CST2: variants seen among roughly 807,000 people sequenced by gnomAD.
CST2 encodes cystatin SA, also known as cystatin-SA.
A neutral mutation model predicts 13.4 loss-of-function variants in CST2; 26 were observed. That is an observed-to-expected ratio of 1.95 (90% CI 1.43 to 2.70). CST2 has a LOEUF of 2.70. Ranked by LOEUF, CST2 falls within the 30% of genes most tolerant of loss-of-function variation. The pLI, the probability that CST2 is intolerant of heterozygous loss-of-function variation, is 0.00. For missense variants in CST2, 243 were observed against 173.4 expected, an observed-to-expected ratio of 1.40 and a Z score of -2.25; for synonymous variants, 105 against 71.1, an observed-to-expected ratio of 1.48 and a Z score of -2.40.
Position 23,824,035 on chromosome 20 carries a change from C to A in CST2, c.411G>T (p.Arg137Ser). The change falls in exon 3 of 3, where the codon AGG becomes AGT. Residue 137 changes from arginine (R) to serine (S), a missense_variant. Transcript: ENST00000304725. Reference protein sequence around the residue: ...WEDRMSLVNSRCQEA With the variant: ...WEDRMSLVNSSCQEA Reference sequence around the variant, plus strand: ...GCACAGATCCCTAGGCTTCTTGACACCTGGAATTCACCAGGGACATTCTGT... The same window carrying A: ...GCACAGATCCCTAGGCTTCTTGACAACTGGAATTCACCAGGGACATTCTGT... 6.2e-7 allele frequency: 1 copy of A among 1,614,068 alleles called. No individual in the cohort carries two copies. Among genetic ancestry groups the A allele is most frequent in the South Asian group, 1.1e-5 (1 of 91,082 alleles).
Position 23,823,911 on chromosome 20 carries a change from C to T in CST2, c.*109G>A. The T allele has an allele frequency of 3.5e-6, 4 of 1,141,992 alleles. No individual in the cohort carries two copies. The highest frequency in any genetic ancestry group is 1.4e-5 in the South Asian group (1 of 72,648). 70.7% of individuals were successfully genotyped at this position (1,141,992 alleles called of 1,614,324 possible). A position where few individuals can be genotyped will look rare whatever the true frequency, so the allele number is the denominator to read the frequency against. ...CAGCCTTCTCTGTCTTCTCCTGCTG[C>T]AGGTGCATGGGGAGACCTCCCACAG... On this transcript the variant is annotated 3_prime_UTR_variant, in exon 3 of 3. Coordinates refer to ENST00000304725, the MANE Select transcript of CST2 (RefSeq NM_001322.3).
chr20:23,823,839 G>A lies in CST2; in HGVS notation c.*181C>T. The A allele has an allele frequency of 1.6e-6, 1 of 624,074 alleles. No individual in the cohort carries two copies. The allele number at this position is 624,074 out of a possible 1,614,324, so 38.7% of individuals were successfully genotyped here. A position where few individuals can be genotyped will look rare whatever the true frequency, so the allele number is the denominator to read the frequency against. ...TGTACCAGGGCTATGAGAAGCAAAA[G>A]GAAGGAGGGAGGGCAGAGTCCCCTG... On this transcript the variant is annotated 3_prime_UTR_variant, in exon 3 of 3. Coordinates refer to ENST00000304725, the MANE Select transcript of CST2 (RefSeq NM_001322.3).
chr20:23,824,778 C>A (rs1161499535), intron 2 of CST2, among the ~76,000 whole-genome samples: 1 of 152,124 alleles, frequency 6.6e-6, no homozygotes, highest in African/African-American at 2.4e-5. Context: ...ACAGGCAACA[C>A]CCCAAAGCAG....
intron 1 of CST2, 52 bp downstream of exon 1, chr20:23,826,381 G>T: frequency 6.8e-7 from 1 of 1,460,824 alleles, no homozygotes; most frequent in Non-Finnish European, 9.6e-7. Flanking sequence ...TTATGGATCG[G>T]GCAACAAACA....
At position 23,824,015 on chromosome 20, in the gene CST2, G is replaced by C. The variant is rs1239637992; in HGVS notation, c.*5C>G. ...GTGGTCAGTGTGACTCCCTGGCACA[G>C]ATCCCTAGGCTTCTTGACACCTGGA... On this transcript the variant is annotated 3_prime_UTR_variant, in exon 3 of 3. Coordinates refer to ENST00000304725, the MANE Select transcript of CST2 (RefSeq NM_001322.3). 1 of 1,614,026 alleles carries C rather than the reference G, an allele frequency of 6.2e-7. No individual in the cohort carries two copies. Among genetic ancestry groups the C allele is most frequent in the Admixed American group, 1.7e-5 (1 of 60,022 alleles).
rs1312229867 is a variant in CST2 at position 23,825,273 on chromosome 20, T to C, written c.279A>G (p.Ile93Met). Residue 93 changes from isoleucine (I) to methionine (M), a missense_variant, in exon 2 of 3, where the codon ATA becomes ATG. Physicochemically the swap from Ile to Met is conservative, Grantham distance 10. Coordinates refer to ENST00000304725, the MANE Select transcript of CST2 (RefSeq NM_001322.3). The stretch of plus-strand genomic sequence containing the variant: ...CCAAGTTGGGCTGGGACTTGGTACA[T>C]ATGGTTCGGCCCACCTCTATGTCGA... ...YFFDIEVGRTICTKSQPNLDT... is the reference protein window; with the variant it reads ...YFFDIEVGRTMCTKSQPNLDT... 4 of 1,614,006 alleles carry C rather than the reference T, an allele frequency of 2.5e-6. No individual in the cohort carries two copies. The highest frequency in any genetic ancestry group is 2.5e-6 in the Non-Finnish European group (3 of 1,180,004).
chr20:23,825,883 C>T (rs554723675), intron 1 of CST2, among the ~76,000 whole-genome samples: 20 of 152,324 alleles, frequency 1.3e-4, no homozygotes, highest in African/African-American at 3.1e-4. Flanking sequence ...GCAGGTAAAG[C>T]TGGGCCCAAT....
intron 1 of CST2, among the ~76,000 whole-genome samples, chr20:23,825,780 A>C (rs1471740921): frequency 2.0e-5 from 3 of 152,120 alleles, no homozygotes; most frequent in Admixed American, 2.0e-4. Flanking sequence ...CTGCAGGAGG[A>C]GAAATGGGGC....
At position 23,823,801 on chromosome 20, in the gene CST2, G is replaced by T. The variant is rs570805415; in HGVS notation, c.*219C>A. The T allele has an allele frequency of 7.1e-6, 4 of 567,218 alleles. No individual in the cohort carries two copies. Among genetic ancestry groups the T allele is most frequent in the South Asian group, 4.5e-5 (2 of 44,620 alleles). The allele number at this position is 567,218 out of a possible 1,614,324, so 35.1% of individuals were successfully genotyped here. On this transcript the variant is annotated 3_prime_UTR_variant, in exon 3 of 3. Transcript: ENST00000304725. ...CTACTGTTTAATTGCAGGAGGTGGG[G>T]GTGTGTGTACCATGTACCAGGGCTA...
Position 23,823,996 on chromosome 20 carries a change from A to T in CST2, c.*24T>A, listed in dbSNP as rs377520834. On this transcript the variant is annotated 3_prime_UTR_variant, in exon 3 of 3. Transcript: ENST00000304725. ...CAAGGGGTGGGAGTAGGAGGTGGTC[A>T]GTGTGACTCCCTGGCACAGATCCCT... The T allele has an allele frequency of 1.9e-6, 3 of 1,612,600 alleles. No individual in the cohort carries two copies. Among genetic ancestry groups the T allele is most frequent in the Non-Finnish European group, 2.5e-6 (3 of 1,178,714 alleles).
chr20:23,825,873 G>T (rs1984817942), intron 1 of CST2, among the ~76,000 whole-genome samples: 1 of 152,192 alleles, frequency 6.6e-6, no homozygotes, highest in East Asian at 1.9e-4. Context: ...GCCATGGGAT[G>T]CAGGTAAAGC....
chr20:23,824,105 T>C lies in CST2; in HGVS notation c.343-2A>G. On this transcript the variant is annotated splice_acceptor_variant, in intron 2 of 2. Coordinates refer to ENST00000304725, the MANE Select transcript of CST2 (RefSeq NM_001322.3). LOFTEE classifies it high-confidence loss of function. ...GATCTGGAAAGAGCACAACTGTTTCTGTGAAAGGGAAGAGAGAGGGCCAAT... is the reference window on the plus strand; with the variant it reads ...GATCTGGAAAGAGCACAACTGTTTCCGTGAAAGGGAAGAGAGAGGGCCAAT... The C allele has an allele frequency of 6.2e-7, 1 of 1,613,982 alleles. No homozygotes were observed. The highest frequency in any genetic ancestry group is 2.2e-5 in the East Asian group (1 of 44,864).
chr20:23,824,951 C>T (rs1186178738), intron 2 of CST2, among the ~76,000 whole-genome samples: 1 of 152,026 alleles, frequency 6.6e-6, no homozygotes, highest in Admixed American at 6.5e-5. Context: ...CCCCAGAATC[C>T]CCACACACAG....
intron 1 of CST2, among the ~76,000 whole-genome samples, chr20:23,825,737 C>A (rs188016485): frequency 4.6e-5 from 7 of 152,284 alleles, no homozygotes; most frequent in Admixed American, 4.6e-4. Flanking sequence ...AGGGAGTGCA[C>A]CTCCCGTGCA....
Position 23,826,609 on chromosome 20 carries a change from C to T in CST2, c.52G>A (p.Ala18Thr). 3 of 1,613,148 alleles carry T rather than the reference C, an allele frequency of 1.9e-6. No individual in the cohort carries two copies. Among genetic ancestry groups the T allele is most frequent in the Non-Finnish European group, 2.5e-6 (3 of 1,179,822 alleles). ...LLLLLATQAV[A>T]LAWSPQEEDR... is the part of the protein sequence containing the mutation. The stretch of plus-strand genomic sequence containing the variant: ...TCCTCCTGGGGGCTCCAGGCCAGGG[C>T]CACAGCCTGGGTGGCCAGCAGGAGC... The change falls in exon 1 of 3, where the codon GCC becomes ACC. Residue 18 changes from alanine to threonine, a missense_variant. By Grantham distance (58) the Ala-to-Thr change is moderately conservative. Coordinates refer to ENST00000304725, the MANE Select transcript of CST2 (RefSeq NM_001322.3).
In CST2 at chr20:23,824,113, G is replaced by C. The variant is rs375422175; in HGVS notation, c.343-10C>G. The C allele has an allele frequency of 8.9e-5, 143 of 1,613,654 alleles. No homozygotes were observed. The Middle Eastern group carries it at 1.2e-3, about 13-fold the overall frequency. On this transcript the variant is annotated splice_polypyrimidine_tract_variant and intron_variant, in intron 2 of 2. Coordinates refer to ENST00000304725, the MANE Select transcript of CST2 (RefSeq NM_001322.3). ...AAGAGCACAACTGTTTCTGTGAAAG[G>C]GAAGAGAGAGGGCCAATCAGTGTGA...
rs769123929 is a variant in CST2, at chr20:23,825,194, C to A, written c.342+16G>T. The A allele has an allele frequency of 6.2e-7, 1 of 1,612,068 alleles. No individual in the cohort carries two copies. The highest frequency in any genetic ancestry group is 1.3e-5 in the African/African-American group (1 of 74,926). ...TGCAGTGCATGACTGGCCTGGGACC[C>A]GCATCAGGAACGTACCTTCTGCAGT... On this transcript the variant is annotated intron_variant, in intron 2 of 2. Transcript: ENST00000304725.
intron 1 of CST2, 116 bp from the exon 2 acceptor site, chr20:23,825,439 C>T: frequency 9.7e-7 from 1 of 1,032,608 alleles, no homozygotes; most frequent in Non-Finnish European, 1.5e-6. Context: ...GAGCTGCCCA[C>T]ATGTCAACAC....
chr20:23,826,357 T>C (rs1984835574), intron 1 of CST2, 76 bp downstream of exon 1: 1 of 1,126,778 alleles, frequency 8.9e-7, no homozygotes, highest in Admixed American at 1.8e-5. Flanking sequence ...AGTGTTGATG[T>C]GCTGCGAATG....
Sources: allele counts gnomAD v4.1 joint callset (sites outside exome capture counted in the v4.1 genomes callset), GRCh38; gene constraint gnomAD v4.1.1; transcripts MANE v1.5; gene names NCBI Gene and HGNC (gene_info 2026-07-23, HGNC 2026-07-21).